The following KIAA0319L variants were observed in gnomAD, a reference collection of about 807,000 sequenced individuals.
The protein encoded by KIAA0319L is dyslexia-associated protein KIAA0319-like protein.
In KIAA0319L, 55 loss-of-function variants were observed where a neutral mutation model predicts 120.1. The observed-to-expected ratio is 0.46, with a 90% confidence interval of 0.37 to 0.57. The LOEUF is 0.57. KIAA0319L is among the 20% of genes least tolerant of loss of function. KIAA0319L has a pLI of 0.00. For missense variants in KIAA0319L, 1,049 were observed against 1,255.3 expected, an observed-to-expected ratio of 0.84 and a Z score of 2.48; for synonymous variants, 398 against 471.9, an observed-to-expected ratio of 0.84 and a Z score of 2.03.
At chr1:35,547,538 C>T (rs767538851) in intron 2 of KIAA0319L, among the ~76,000 whole-genome samples, 8 of 152,036 alleles carry the variant, frequency 5.3e-5, no homozygotes, top group Non-Finnish European at 1.0e-4. Context: ...ATCCATAAAG[C>T]AGAATATTAT....
intron 3 of KIAA0319L, among the ~76,000 whole-genome samples, chr1:35,481,573 G>A (rs1002153684): frequency 1.3e-5 from 2 of 151,930 alleles, no homozygotes; most frequent in African/African-American, 4.8e-5. Context: ...TCTTTGAAGA[G>A]GCAAAGAGGT....
At chr1:35,556,110 G>C (rs1406738942) in intron 1 of KIAA0319L, among the ~76,000 whole-genome samples, 1 of 152,200 alleles carries the variant, frequency 6.6e-6, no homozygotes, top group African/African-American at 2.4e-5. Flanking sequence ...TAACAACCCA[G>C]GGAGAGAACA....
At chr1:35,547,245 A>G (rs1158328368) in intron 2 of KIAA0319L, among the ~76,000 whole-genome samples, 1 of 148,020 alleles carries the variant, frequency 6.8e-6, no homozygotes, top group Non-Finnish European at 1.5e-5. Flanking sequence ...ATATATTTAT[A>G]TATAAATTGC....
intron 2 of KIAA0319L, among the ~76,000 whole-genome samples, chr1:35,543,230 C>T (rs546401429): frequency 4.5e-4 from 68 of 152,316 alleles, no homozygotes; most frequent in Non-Finnish European, 7.9e-4. Context: ...GAATCAAAAA[C>T]CTTGCATGGT....
intron 20 of KIAA0319L, among the ~76,000 whole-genome samples, chr1:35,436,237 G>A (rs189311944): frequency 1.3e-5 from 2 of 152,296 alleles, no homozygotes; most frequent in East Asian, 1.9e-4. Context: ...CAGGCTGAGC[G>A]CATCCAGACC....
rs140454443 is a variant in KIAA0319L, at chr1:35,511,188, C to T, written c.143-4053G>A. 4.4e-3 allele frequency: 682 copies of T among 154,304 alleles called. 4 individuals are homozygous for T. The highest frequency in any genetic ancestry group is 0.027 in the Middle Eastern group (8 of 294). The allele number at this position is 154,304 out of a possible 1,614,324, so 9.6% of individuals were successfully genotyped here. The stretch of plus-strand genomic sequence containing the variant: ...TCAGAAAACTCATAGTGGAAATAAA[C>T]CCTATCAGGGCAATGACTGTAGGAA... On this transcript the variant is annotated intron_variant, in intron 2 of 20. Coordinates refer to ENST00000325722, the MANE Select transcript of KIAA0319L (RefSeq NM_024874.5).
chr1:35,450,812 T>C (rs1361042161), intron 13 of KIAA0319L, among the ~76,000 whole-genome samples: 1 of 152,192 alleles, frequency 6.6e-6, no homozygotes, highest in Non-Finnish European at 1.5e-5. Context: ...TTTGGAGGTA[T>C]GTGATGATCA....
chr1:35,471,657 T>C (rs529892994), intron 5 of KIAA0319L, among the ~76,000 whole-genome samples: 18 of 152,288 alleles, frequency 1.2e-4, no homozygotes, highest in East Asian at 9.6e-4. Flanking sequence ...TTAAATTTTT[T>C]TGGATCAAAA....
intron 3 of KIAA0319L, among the ~76,000 whole-genome samples, chr1:35,494,612 T>C (rs997439786): frequency 1.3e-5 from 2 of 150,390 alleles, no homozygotes; most frequent in African/African-American, 4.9e-5. Context: ...CTGCGCAACA[T>C]GGTGAAACCC....
At position 35,446,388 on chromosome 1, in the gene KIAA0319L, A is replaced by C. The variant is rs185102193; in HGVS notation, c.2513+1785T>G. 5.9e-5 allele frequency among the ~76,000 whole-genome samples: 9 copies of C among 152,286 alleles called. No individual in the cohort carries two copies. In the East Asian group the frequency reaches 1.7e-3, roughly 29 times the overall value. On this transcript the variant is annotated intron_variant, in intron 16 of 20. Coordinates refer to ENST00000325722, the MANE Select transcript of KIAA0319L (RefSeq NM_024874.5). ...TCCACAAGGACCACAATGAAAAAAA[A>C]TTTTTAAAGATATTCTTTCAATCCT...
At chr1:35,493,138 A>C (rs1644661550) in intron 3 of KIAA0319L, among the ~76,000 whole-genome samples, 1 of 152,174 alleles carries the variant, frequency 6.6e-6, no homozygotes, top group African/African-American at 2.4e-5. Flanking sequence ...TATAGAGAAA[A>C]TCCTATGGAA....
intron 15 of KIAA0319L, among the ~76,000 whole-genome samples, chr1:35,449,011 T>G (rs1641847179): frequency 6.6e-6 from 1 of 152,244 alleles, no homozygotes; most frequent in South Asian, 2.1e-4. Flanking sequence ...ATGCCTTATT[T>G]ACATACTTGA....
At chr1:35,482,929 T>C (rs1185114407) in intron 3 of KIAA0319L, among the ~76,000 whole-genome samples, 1 of 152,234 alleles carries the variant, frequency 6.6e-6, no homozygotes, top group Non-Finnish European at 1.5e-5. Flanking sequence ...GAAATCTTTT[T>C]AATTTTAGCC....
At chr1:35,442,787 T>C in intron 18 of KIAA0319L, 119 bp downstream of exon 18, 2 of 1,248,704 alleles carry the variant, frequency 1.6e-6, no homozygotes, top group South Asian at 1.4e-5. Flanking sequence ...AAACAGAAAA[T>C]ACACAAAGTT....
chr1:35,454,093 A>T (rs973482184), intron 11 of KIAA0319L: 4 of 452,444 alleles, frequency 8.8e-6, no homozygotes, highest in Non-Finnish European at 1.6e-5. Flanking sequence ...ACTTTTTAGG[A>T]TTTGGGATGG....
chr1:35,506,824 G>C lies in KIAA0319L; in HGVS notation c.454C>G (p.Leu152Val). ...FLPEDDVPHL[L>V]GLGWNWASWR... Reference sequence around the variant, plus strand: ...GATGCCCAGTTCCAACCTAGCCCCAGAAGATGTGGTACATCATCTTCAGGT... The same window carrying C: ...GATGCCCAGTTCCAACCTAGCCCCACAAGATGTGGTACATCATCTTCAGGT... The change falls in exon 3 of 21, where the codon CTG becomes GTG. Residue 152 changes from leucine to valine, a missense_variant. Transcript: ENST00000325722. This position sits in a 1 kb window ranked among gnomAD's most constrained non-coding sequence, Gnocchi z 4.0. 1 of 1,614,224 alleles carries C rather than the reference G, an allele frequency of 6.2e-7. No homozygotes were observed. The highest frequency in any genetic ancestry group is 8.5e-7 in the Non-Finnish European group (1 of 1,180,034).
intron 3 of KIAA0319L, among the ~76,000 whole-genome samples, chr1:35,500,086 A>G (rs1172075246): frequency 6.6e-6 from 1 of 152,226 alleles, no homozygotes; most frequent in African/African-American, 2.4e-5. Context: ...GTGTGTGATT[A>G]TTGACTGGAA....
At chr1:35,522,415 G>A (rs1206195524) in intron 2 of KIAA0319L, among the ~76,000 whole-genome samples, 1 of 151,968 alleles carries the variant, frequency 6.6e-6, no homozygotes, top group Admixed American at 6.6e-5. Flanking sequence ...GAGTAGCTGG[G>A]ATTACAGGCA....
At chr1:35,516,049 T>G (rs1295603872) in intron 2 of KIAA0319L, among the ~76,000 whole-genome samples, 1 of 151,350 alleles carries the variant, frequency 6.6e-6, no homozygotes, top group Non-Finnish European at 1.5e-5. Context: ...TAAAACTGAA[T>G]CAGTAATAAA....
Sources: allele counts gnomAD v4.1 joint callset (sites outside exome capture counted in the v4.1 genomes callset), GRCh38; gene constraint gnomAD v4.1.1; non-coding constraint Gnocchi (gnomAD v3.1); transcripts MANE v1.5; gene names NCBI Gene and HGNC (gene_info 2026-07-23, HGNC 2026-07-21).